The following TTC28 variants were observed in gnomAD, a reference collection of about 807,000 sequenced individuals.
TTC28 encodes the protein tetratricopeptide repeat domain 28.
Under a neutral mutation model 198.0 loss-of-function variants are expected in TTC28, and 61 were observed. The observed-to-expected ratio is 0.31, with a 90% confidence interval of 0.25 to 0.38. The LOEUF is 0.38. Ranked by LOEUF, TTC28 falls within the 10% of genes least tolerant of loss-of-function variation. TTC28 has a pLI of 1.00. For synonymous variants in TTC28, 1,171 were observed against 1,297.8 expected (o/e 0.90, Z 2.10); for missense variants, 2,678 against 3,164.0 (o/e 0.85, Z 3.69).
At position 28,289,625 on chromosome 22, in the gene TTC28, G is replaced by A. The variant is rs150469443; in HGVS notation, c.933+6573C>T. Among the ~76,000 whole-genome samples, 558 of 152,280 alleles carry A rather than the reference G, an allele frequency of 3.7e-3. 7 individuals are homozygous for A. The South Asian group carries it at 0.04, about 11-fold the overall frequency. ...AGGCAGGAGGACTGCCTGAGGCCAG[G>A]AGTTTAAGGCCACCGTGCACTATGA... is the stretch of plus-strand genomic sequence containing the variant. On this transcript the variant is annotated intron_variant, in intron 5 of 22. Coordinates refer to ENST00000397906, the MANE Select transcript of TTC28 (RefSeq NM_001145418.2).
At chr22:28,470,953 G>A (rs915269235) in intron 2 of TTC28, among the ~76,000 whole-genome samples, 1 of 152,154 alleles carries the variant, frequency 6.6e-6, no homozygotes, top group Admixed American at 6.5e-5. Flanking sequence ...AGATTTAGAG[G>A]ATCAACAGAG....
At chr22:28,088,728 C>G (rs920077409) in intron 12 of TTC28, among the ~76,000 whole-genome samples, 1 of 152,176 alleles carries the variant, frequency 6.6e-6, no homozygotes, top group African/African-American at 2.4e-5. Context: ...GAACAGCCAA[C>G]CTACAAAATG....
At chr22:27,984,882 GTGTCCCCAGGGCCTGGAAA>G in intron 22 of TTC28, among the ~76,000 whole-genome samples, 1 of 152,292 alleles carries the variant, frequency 6.6e-6, no homozygotes, top group East Asian at 1.9e-4. Context: ...CGGGCTGGGT[GTGTCCCCAGGGCCTGGAAA>G]TCTCCCAGGC....
At position 27,983,541 on chromosome 22, in the gene TTC28, A is replaced by G. The variant is rs758139850; in HGVS notation, c.6126T>C (p.Pro2042=). 1.3e-6 allele frequency: 2 copies of G among 1,551,104 alleles called. No homozygotes were observed. Among genetic ancestry groups the G allele is most frequent in the African/African-American group, 2.7e-5 (2 of 72,962 alleles). The change falls in exon 23 of 23, where the codon CCT becomes CCC. Residue 2042 remains proline (P), a synonymous_variant. Transcript: ENST00000397906. ...TGTTGCCTGCAGGGCGGGTCTGGGG[A>G]GGCAGCTGGCTCCTAGGCAGGGTGG... ...QRSTLPRSQL[P]PQTRPAGNKD... is the part of the protein sequence containing the mutation.
At chr22:28,610,291 TG>T (rs759852178) in intron 2 of TTC28, among the ~76,000 whole-genome samples, 4 of 152,188 alleles carry the variant, frequency 2.6e-5, no homozygotes, top group Non-Finnish European at 5.9e-5. Flanking sequence ...GTGTCCTGAC[TG>T]GGAGATACCT....
intron 2 of TTC28, among the ~76,000 whole-genome samples, chr22:28,587,512 T>G (rs2050339523): frequency 1.3e-5 from 2 of 152,182 alleles, no homozygotes; most frequent in African/African-American, 4.8e-5. Flanking sequence ...TTATTTATTT[T>G]ATTTATTGAG....
intron 17 of TTC28, among the ~76,000 whole-genome samples, chr22:27,995,850 C>T (rs962752821): frequency 6.6e-6 from 1 of 152,206 alleles, no homozygotes; most frequent in Non-Finnish European, 1.5e-5. Context: ...TATGGCACCA[C>T]ACACCATGCC....
At chr22:28,205,834 A>G (rs922889836) in intron 5 of TTC28, among the ~76,000 whole-genome samples, 1 of 152,074 alleles carries the variant, frequency 6.6e-6, no homozygotes, top group East Asian at 1.9e-4. Context: ...TAAAATAGAA[A>G]TAATACCCTG....
intron 14 of TTC28, among the ~76,000 whole-genome samples, chr22:28,008,790 C>T (rs1050775929): frequency 4.6e-5 from 7 of 152,120 alleles, no homozygotes; most frequent in African/African-American, 1.7e-4. Flanking sequence ...AGTGGCTTTG[C>T]CTACAGCAGC....
At chr22:28,191,610 C>T (rs767178733) in intron 5 of TTC28, among the ~76,000 whole-genome samples, 45 of 152,204 alleles carry the variant, frequency 3.0e-4, no homozygotes, top group Admixed American at 9.8e-4. Context: ...GCTTTTCCAA[C>T]GGTCTTAGCA....
chr22:28,477,640 T>C (rs1375999087), intron 2 of TTC28, among the ~76,000 whole-genome samples: 1 of 152,186 alleles, frequency 6.6e-6, no homozygotes, highest in Non-Finnish European at 1.5e-5. Context: ...ATAGATTGCA[T>C]TAACAGATCC....
chr22:28,645,068 C>A (rs1004352174), intron 1 of TTC28, among the ~76,000 whole-genome samples: 14 of 151,652 alleles, frequency 9.2e-5, no homozygotes, highest in Non-Finnish European at 2.1e-4. Context: ...TGGTGTGAAC[C>A]CAGGAGGCAG....
chr22:28,055,424 T>A (rs1940247828), intron 12 of TTC28, among the ~76,000 whole-genome samples: 1 of 152,096 alleles, frequency 6.6e-6, no homozygotes, highest in South Asian at 2.1e-4. Flanking sequence ...GCTAAAAGTG[T>A]TTGAAACAAA....
chr22:28,623,231 C>T (rs988680467), intron 2 of TTC28, among the ~76,000 whole-genome samples: 6 of 152,148 alleles, frequency 3.9e-5, no homozygotes, highest in African/African-American at 1.4e-4. Flanking sequence ...GGACTACAGG[C>T]ATGCACCACC....
chr22:28,440,147 T>C (rs1317367275), intron 2 of TTC28, among the ~76,000 whole-genome samples: 2 of 152,186 alleles, frequency 1.3e-5, no homozygotes, highest in Non-Finnish European at 2.9e-5. Flanking sequence ...GCTGTACACA[T>C]TTAATTTATA....
intron 2 of TTC28, among the ~76,000 whole-genome samples, chr22:28,318,812 CTTTTTTTTTTTTT>C (rs71316836): frequency 3.7e-4 from 23 of 61,336 alleles, no homozygotes; most frequent in East Asian, 1.1e-3. Flanking sequence ...GAAGTGTATT[CTTTTTTTTTTTTT>C]TTTTTTTTTT....
chr22:28,478,750 C>T (rs2048202038), intron 2 of TTC28, among the ~76,000 whole-genome samples: 1 of 152,090 alleles, frequency 6.6e-6, no homozygotes, highest in Non-Finnish European at 1.5e-5. Flanking sequence ...CCAATCCATC[C>T]AACCTCAGGG....
chr22:28,090,422 T>C (rs1334237400), intron 12 of TTC28, among the ~76,000 whole-genome samples: 1 of 152,136 alleles, frequency 6.6e-6, no homozygotes, highest in East Asian at 1.9e-4. Context: ...AATTGCAACA[T>C]AACATTCTGA....
chr22:28,362,803 T>G (rs9613601), intron 2 of TTC28, among the ~76,000 whole-genome samples: 9,824 of 152,186 alleles, frequency 0.065, 408 homozygotes, highest in Admixed American at 0.15. Flanking sequence ...TTTGTGGAAC[T>G]TTGAACTTAA....
Sources: allele counts gnomAD v4.1 joint callset (sites outside exome capture counted in the v4.1 genomes callset), GRCh38; gene constraint gnomAD v4.1.1; transcripts MANE v1.5; gene names NCBI Gene and HGNC (gene_info 2026-07-23, HGNC 2026-07-21).